The following SYN3 variants were observed in gnomAD, a reference collection of about 807,000 sequenced individuals.
SYN3 encodes synapsin III.
Under a neutral mutation model 65.8 loss-of-function variants are expected in SYN3, and 35 were observed. The observed-to-expected ratio is 0.53, with a 90% CI of 0.41 to 0.70. The LOEUF (loss-of-function observed/expected upper bound fraction) is 0.70, where lower values mean the gene tolerates loss of function less well. Among genes scored for constraint, SYN3 ranks in the 30% least tolerant of loss-of-function variants. The probability of loss-of-function intolerance (pLI) is 0.00; values close to 1 mark genes in which losing one functional copy is unlikely to be tolerated. For missense variants in SYN3, 680 were observed against 749.0 expected, an observed-to-expected ratio of 0.91 and a Z score of 1.08; for synonymous variants, 270 against 292.9, an observed-to-expected ratio of 0.92 and a Z score of 0.80.
chr22:32,580,223 A>G (rs2058918736), intron 7 of SYN3, among the ~76,000 whole-genome samples: 1 of 152,232 alleles, frequency 6.6e-6, no homozygotes, highest in African/African-American at 2.4e-5. Flanking sequence ...AAGCCAGCGC[A>G]CCACCCGTTT....
At chr22:32,641,341 G>C (rs926696768) in intron 6 of SYN3, among the ~76,000 whole-genome samples, 8 of 152,168 alleles carry the variant, frequency 5.3e-5, no homozygotes, top group Admixed American at 2.0e-4. Context: ...GGGCGCGGTG[G>C]TTCATGCCTG....
chr22:33,020,019 G>A (rs990369571), intron 1 of SYN3, among the ~76,000 whole-genome samples: 10 of 152,140 alleles, frequency 6.6e-5, no homozygotes, highest in African/African-American at 2.4e-4. Context: ...TTTTAGTAGT[G>A]GTATCTTTAC....
chr22:32,769,476 C>T (rs2045710446), intron 6 of SYN3, among the ~76,000 whole-genome samples: 1 of 151,756 alleles, frequency 6.6e-6, no homozygotes, highest in African/African-American at 2.4e-5. Context: ...TGAACTCAGT[C>T]AACTTTGCCG....
At chr22:32,807,183 A>C (rs1219665456) in intron 6 of SYN3, among the ~76,000 whole-genome samples, 1 of 149,506 alleles carries the variant, frequency 6.7e-6, no homozygotes, top group African/African-American at 2.5e-5. Flanking sequence ...CCCACCTTTA[A>C]GGGAAGAGTC....
At chr22:32,657,349 T>C (rs2060156390) in intron 6 of SYN3, among the ~76,000 whole-genome samples, 1 of 151,920 alleles carries the variant, frequency 6.6e-6, no homozygotes, top group Admixed American at 6.5e-5. Context: ...GGTCTCGATC[T>C]ACTGACATTG....
intron 11 of SYN3, among the ~76,000 whole-genome samples, chr22:32,528,235 C>G (rs2058014038): frequency 6.6e-6 from 1 of 152,170 alleles, no homozygotes; most frequent in Non-Finnish European, 1.5e-5. Context: ...TGCCCCGTGC[C>G]CCTTCCCAGC....
chr22:32,939,217 GAAC>G (rs1029142783), intron 3 of SYN3, among the ~76,000 whole-genome samples: 4 of 152,018 alleles, frequency 2.6e-5, no homozygotes, highest in African/African-American at 4.8e-5. Context: ...GAAGTAAAAT[GAAC>G]AACAACAAGG....
At chr22:32,654,218 A>G (rs1011250286) in intron 6 of SYN3, among the ~76,000 whole-genome samples, 13 of 151,518 alleles carry the variant, frequency 8.6e-5, no homozygotes, top group African/African-American at 2.7e-4. Context: ...CCTCCATCCC[A>G]CCCTGACACC....
intron 7 of SYN3, 23 bp from the exon 8 acceptor site, chr22:32,541,736 T>A (rs1412176455): frequency 1.2e-6 from 2 of 1,610,202 alleles, no homozygotes; most frequent in African/African-American, 2.7e-5. Flanking sequence ...ATGAGGGGGA[T>A]GAGTGCCACC....
chr22:32,689,786 G>A (rs2060638434), intron 6 of SYN3, among the ~76,000 whole-genome samples: 1 of 152,134 alleles, frequency 6.6e-6, no homozygotes, highest in Non-Finnish European at 1.5e-5. Flanking sequence ...TTAAGTCCCA[G>A]ATCCTAATGT....
chr22:32,757,211 G>T (rs1457516199), intron 6 of SYN3, among the ~76,000 whole-genome samples: 2 of 151,710 alleles, frequency 1.3e-5, no homozygotes, highest in Non-Finnish European at 2.9e-5. Context: ...CCAGAGGGAG[G>T]AACACTGCCA....
intron 1 of SYN3, among the ~76,000 whole-genome samples, chr22:33,028,691 A>ATGGTGGTGG (rs1170552905): frequency 3.5e-4 from 15 of 43,122 alleles, no homozygotes; most frequent in African/African-American, 8.5e-4. Flanking sequence ...GGTGGTGGTG[A>ATGGTGGTGG]TGGTGGTGGT....
chr22:32,601,730 G>T (rs1258230663), intron 6 of SYN3, among the ~76,000 whole-genome samples: 3 of 152,332 alleles, frequency 2.0e-5, no homozygotes, highest in East Asian at 3.9e-4. Flanking sequence ...GGGGAGTTCA[G>T]GTTGCTTGGA....
At chr22:32,706,180 T>C (rs2060878606) in intron 6 of SYN3, among the ~76,000 whole-genome samples, 1 of 152,222 alleles carries the variant, frequency 6.6e-6, no homozygotes. Flanking sequence ...CCATTCAGAA[T>C]GATGTTGGCT....
At chr22:32,999,672 G>C (rs1015839148) in intron 2 of SYN3, among the ~76,000 whole-genome samples, 1 of 151,880 alleles carries the variant, frequency 6.6e-6, no homozygotes, top group African/African-American at 2.4e-5. Context: ...AACACAATGA[G>C]ACTCTGTCTC....
chr22:32,562,184 T>G (rs902582021), intron 7 of SYN3, among the ~76,000 whole-genome samples: 6 of 152,204 alleles, frequency 3.9e-5, no homozygotes, highest in African/African-American at 1.4e-4. Context: ...TGGTTCGTCA[T>G]GAGACTTTGC....
chr22:32,859,333 T>C, intron 6 of SYN3: 1 of 1,613,716 alleles, frequency 6.2e-7, no homozygotes, highest in Non-Finnish European at 8.5e-7. Flanking sequence ...GTACCGAGGA[T>C]GGGCCCCCCC....
At chr22:32,874,115 C>T (rs944852796) in intron 4 of SYN3, among the ~76,000 whole-genome samples, 1 of 152,132 alleles carries the variant, frequency 6.6e-6, no homozygotes, top group Non-Finnish European at 1.5e-5. Context: ...GCCTGGATGA[C>T]AGAACAAGAA....
At chr22:32,892,804 T>A (rs1444838709) in intron 4 of SYN3, among the ~76,000 whole-genome samples, 2 of 152,158 alleles carry the variant, frequency 1.3e-5, no homozygotes, top group East Asian at 3.9e-4. Flanking sequence ...GCTGCATGAA[T>A]GCCAGTTTGC....
Sources: gnomAD v4.1 joint callset for allele counts (sites outside exome capture counted in the v4.1 genomes callset) on GRCh38, gnomAD v4.1.1 for gene constraint, MANE v1.5 for transcripts, NCBI Gene and HGNC (gene_info 2026-07-23, HGNC 2026-07-21) for gene names.